The following REEP5 variants were observed in gnomAD, a reference collection of about 807,000 sequenced individuals.
The protein encoded by REEP5 is receptor accessory protein 5.
Under a neutral mutation model 22.4 loss-of-function variants are expected in REEP5, and 24 were observed. The ratio of observed to expected loss-of-function variants is 1.07; its 90% CI spans 0.78 to 1.51. The LOEUF is 1.51. Among genes scored for constraint, REEP5 ranks in the 40% most tolerant of loss-of-function variants. REEP5 has a pLI of 0.00. For missense variants in REEP5, 252 were observed against 233.0 expected, an observed-to-expected ratio of 1.08 and a Z score of -0.53; for synonymous variants, 103 against 88.6, an observed-to-expected ratio of 1.16 and a Z score of -0.92.
At chr5:112,886,580 T>C (rs1218799593) in intron 4 of REEP5, among the ~76,000 whole-genome samples, 1 of 152,182 alleles carries the variant, frequency 6.6e-6, no homozygotes, top group African/African-American at 2.4e-5. Flanking sequence ...TTTTGTAAAA[T>C]TATAGAAATT....
intron 3 of REEP5, chr5:112,895,671 AT>A (rs931968906): frequency 2.6e-5 from 4 of 152,192 alleles, no homozygotes; most frequent in African/African-American, 9.7e-5. Flanking sequence ...TCATTTTCTT[AT>A]GTTAAAAATA....
At chr5:112,904,205 A>G (rs1768906345) in intron 2 of REEP5, among the ~76,000 whole-genome samples, 1 of 152,228 alleles carries the variant, frequency 6.6e-6, no homozygotes, top group Non-Finnish European at 1.5e-5. Flanking sequence ...ATGTATGCAC[A>G]AAGTCTGTAT....
In REEP5 at chr5:112,880,209, G is replaced by C. The variant is rs1160699304; in HGVS notation, c.521-1374C>G. Among the ~76,000 whole-genome samples, 4 of 152,216 alleles carry C rather than the reference G, an allele frequency of 2.6e-5. No individual in the cohort carries two copies. In the East Asian group the frequency reaches 7.7e-4, roughly 29 times the overall value. On this transcript the variant is annotated intron_variant, in intron 4 of 4. Transcript: ENST00000379638. ...GAGTATTCCTTGAAGCCAGGAGTTTGAGATCACCCTGGCCAAAACACAGTG... is the reference window on the plus strand; with the variant it reads ...GAGTATTCCTTGAAGCCAGGAGTTTCAGATCACCCTGGCCAAAACACAGTG...
chr5:112,886,721 G>T (rs946447460), intron 4 of REEP5, among the ~76,000 whole-genome samples: 5 of 152,158 alleles, frequency 3.3e-5, no homozygotes, highest in African/African-American at 1.2e-4. Flanking sequence ...AGAAGAGATG[G>T]ACTTGCATAT....
chr5:112,902,507 A>G lies in REEP5; in HGVS notation c.224T>C (p.Ile75Thr). 1.3e-6 allele frequency: 2 copies of G among 1,592,816 alleles called. No homozygotes were observed. Among genetic ancestry groups the G allele is most frequent in the Non-Finnish European group, 1.7e-6 (2 of 1,173,644 alleles). ...GYPAYISIKA[I>T]ESPNKEDDTQ... is the part of the protein sequence containing the mutation. ...ATCATCTTCTTTGTTGGGACTCTCT[A>G]TAGCTTTAATTCTGAAAGGCAGTAC... Residue 75 changes from isoleucine (I) to threonine (T), a missense_variant, in exon 3 of 5, where the codon ATA becomes ACA. Physicochemically the swap from Ile to Thr is moderately conservative, Grantham distance 89. Coordinates refer to ENST00000379638, the MANE Select transcript of REEP5 (RefSeq NM_005669.5).
intron 3 of REEP5, among the ~76,000 whole-genome samples, chr5:112,900,055 T>C (rs1261583586): frequency 1.3e-5 from 2 of 152,218 alleles, no homozygotes; most frequent in Non-Finnish European, 2.9e-5. Flanking sequence ...CTTTAAAATA[T>C]CTGCCAGTTT....
chr5:112,910,767 A>C (rs1769085685), intron 2 of REEP5, among the ~76,000 whole-genome samples: 3 of 152,206 alleles, frequency 2.0e-5, no homozygotes, highest in African/African-American at 7.2e-5. Context: ...GGTCACTATC[A>C]TTGCTCAAGG....
chr5:112,921,412 G>T, intron 1 of REEP5, 156 bp from the exon 2 acceptor site: 1 of 709,346 alleles, frequency 1.4e-6, no homozygotes. Context: ...AGCTGGGCCT[G>T]CGCGTCCGCT....
chr5:112,921,074 C>T, intron 2 of REEP5, 89 bp downstream of exon 2: 1 of 1,291,544 alleles, frequency 7.7e-7, no homozygotes, highest in Admixed American at 2.0e-5. Flanking sequence ...ACTTTTCTCC[C>T]GGGAATTGCG....
At chr5:112,895,237 C>CAAAAAAAAAAAAAAAAAA (rs10684553) in intron 3 of REEP5, 2 of 62,214 alleles carry the variant, frequency 3.2e-5, no homozygotes, top group African/African-American at 1.4e-4. Flanking sequence ...GACTCTGTCT[C>CAAAAAAAAAAAAAAAAAA]AAAAAAAAAA....
chr5:112,918,848 C>A (rs1333613663), intron 2 of REEP5, among the ~76,000 whole-genome samples: 1 of 152,214 alleles, frequency 6.6e-6, no homozygotes, highest in Non-Finnish European at 1.5e-5. Context: ...CTCTCCCTGG[C>A]TCTGCTCTTG....
chr5:112,883,596 G>A (rs531021856), intron 4 of REEP5, among the ~76,000 whole-genome samples: 3 of 152,006 alleles, frequency 2.0e-5, no homozygotes, highest in Non-Finnish European at 4.4e-5. Context: ...CACTACCTTC[G>A]TGATCTCATC....
At chr5:112,917,297 A>C (rs989067589) in intron 2 of REEP5, among the ~76,000 whole-genome samples, 5 of 152,086 alleles carry the variant, frequency 3.3e-5, no homozygotes, top group African/African-American at 9.7e-5. Flanking sequence ...GTTCCAGACC[A>C]AGCCTGGCCT....
At chr5:112,882,247 T>C (rs76033445) in intron 4 of REEP5, among the ~76,000 whole-genome samples, 5,301 of 152,138 alleles carry the variant, frequency 0.035, 224 homozygotes, top group East Asian at 0.16. Flanking sequence ...TCCATAATCT[T>C]GTATCAAGCA....
intron 2 of REEP5, among the ~76,000 whole-genome samples, chr5:112,919,862 A>G (rs1322175071): frequency 3.3e-5 from 5 of 152,216 alleles, no homozygotes; most frequent in Non-Finnish European, 7.4e-5. Context: ...CACAGGTCAC[A>G]CTTTAAGCAA....
intron 2 of REEP5, among the ~76,000 whole-genome samples, chr5:112,915,879 T>TA (rs1459031358): frequency 1.1e-4 from 13 of 119,254 alleles, no homozygotes; most frequent in Non-Finnish European, 1.4e-4. Context: ...TAATTACAAT[T>TA]TAAAAAAAAA....
At chr5:112,894,487 A>C (rs1411390867) in intron 3 of REEP5, 4 of 152,218 alleles carry the variant, frequency 2.6e-5, no homozygotes, top group Non-Finnish European at 4.4e-5. Flanking sequence ...AAAGCTATAC[A>C]TCCCCAAAAT....
intron 3 of REEP5, chr5:112,897,789 T>A (rs1561653994): frequency 6.6e-6 from 1 of 152,132 alleles, no homozygotes; most frequent in Non-Finnish European, 1.5e-5. Context: ...CTGGGAGCAG[T>A]GGCTCACACC....
At chr5:112,901,619 G>A (rs1768848584) in intron 3 of REEP5, among the ~76,000 whole-genome samples, 1 of 151,340 alleles carries the variant, frequency 6.6e-6, no homozygotes, top group East Asian at 2.0e-4. Context: ...GGCTGAGGCA[G>A]GACAATCACT....
Sources: allele counts gnomAD v4.1 joint callset (sites outside exome capture counted in the v4.1 genomes callset), GRCh38; gene constraint gnomAD v4.1.1; transcripts MANE v1.5; gene names NCBI Gene and HGNC (gene_info 2026-07-23, HGNC 2026-07-21).